KDM1B: variants seen among roughly 807,000 people sequenced by gnomAD.
KDM1B encodes the protein lysine-specific histone demethylase 2.
A neutral mutation model predicts 107.4 loss-of-function variants in KDM1B; 63 were observed. The observed-to-expected ratio is 0.59, with a 90% CI of 0.48 to 0.72. The LOEUF (loss-of-function observed/expected upper bound fraction) is 0.72, where lower values mean the gene tolerates loss of function less well. Ranked by LOEUF, KDM1B falls within the 30% of genes least tolerant of loss-of-function variation. KDM1B has a pLI of 0.00. For missense variants in KDM1B, 749 were observed against 1,020.8 expected (o/e 0.73, Z 3.63); for synonymous variants, 363 against 363.9 (o/e 1.00, Z 0.03).
Position 18,171,244 on chromosome 6 carries a change from AGG to A in KDM1B, c.418-118_418-117del. 4 of 712,058 alleles carry A rather than the reference AGG, an allele frequency of 5.6e-6. No homozygotes were observed. In the South Asian group the frequency reaches 6.2e-5, roughly 11 times the overall value. The allele number at this position is 712,058 out of a possible 1,614,324, so 44.1% of individuals were successfully genotyped here. A position where few individuals can be genotyped will look rare whatever the true frequency, so the allele number is the denominator to read the frequency against. ...TTATATGGATGATGGTAATGCAAGG[AGG>A]AGAAAAAATACTTAGGATTGCTAAC... On this transcript the variant is annotated intron_variant, in intron 6 of 21. Transcript: ENST00000650836.
intron 7 of KDM1B, among the ~76,000 whole-genome samples, chr6:18,180,985 AT>A (rs2150880169): frequency 6.6e-6 from 1 of 152,280 alleles, no homozygotes; most frequent in Non-Finnish European, 1.5e-5. Flanking sequence ...GACTTTACTA[AT>A]TGTTTAAATT....
At chr6:18,168,178 G>A (rs1187972101) in intron 6 of KDM1B, among the ~76,000 whole-genome samples, 2 of 152,192 alleles carry the variant, frequency 1.3e-5, no homozygotes, top group Non-Finnish European at 2.9e-5. Flanking sequence ...GTGCAGTTCA[G>A]TGGCACTTAG....
Position 18,222,018 on chromosome 6 carries a change from T to C in KDM1B, c.*26T>C. On this transcript the variant is annotated 3_prime_UTR_variant, in exon 22 of 22. Transcript: ENST00000650836. ...GAATTCGGTGGACCCAGCTTTCTTC[T>C]GTACCCCAGATGGGGAAATTTGAAT... The C allele has an allele frequency of 6.2e-7, 1 of 1,603,368 alleles. No individual in the cohort carries two copies. Among genetic ancestry groups the C allele is most frequent in the Non-Finnish European group, 8.5e-7 (1 of 1,170,214 alleles).
Position 18,196,981 on chromosome 6 carries a change from G to A in KDM1B, c.970-76G>A, listed in dbSNP as rs530819403. ...CAGATCTTTTACTTGTCTTTTAAAT[G>A]GATTGTTTTCCTGCTATTGTTTGAA... On this transcript the variant is annotated intron_variant, in intron 10 of 21. Transcript: ENST00000650836. 9.1e-6 allele frequency: 12 copies of A among 1,314,676 alleles called. No homozygotes were observed. In the South Asian group the frequency reaches 1.5e-4, roughly 16 times the overall value. The allele number at this position is 1,314,676 out of a possible 1,614,324, so 81.4% of individuals were successfully genotyped here.
intron 21 of KDM1B, among the ~76,000 whole-genome samples, chr6:18,218,655 A>G (rs1789429949): frequency 6.6e-6 from 1 of 152,042 alleles, no homozygotes; most frequent in Non-Finnish European, 1.5e-5. Flanking sequence ...GGCAATTATA[A>G]TGGCTCCTTT....
At chr6:18,171,271 C>T in intron 6 of KDM1B, 92 bp from the exon 7 acceptor site, 1 of 766,920 alleles carries the variant, frequency 1.3e-6, no homozygotes, top group East Asian at 2.5e-5. Flanking sequence ...GGATTGCTAA[C>T]AGGTTGGAGA....
At chr6:18,189,718 TTC>T (rs1273815037) in intron 9 of KDM1B, among the ~76,000 whole-genome samples, 1 of 152,222 alleles carries the variant, frequency 6.6e-6, no homozygotes, top group Non-Finnish European at 1.5e-5. Flanking sequence ...TATGTGAATA[TTC>T]TCTGTTAATA....
chr6:18,164,479 C>G (rs1785165337), intron 5 of KDM1B, among the ~76,000 whole-genome samples: 1 of 152,092 alleles, frequency 6.6e-6, no homozygotes, highest in Admixed American at 6.6e-5. Flanking sequence ...CATTGTACAT[C>G]TAACATTGTT....
chr6:18,207,033 G>A (rs565897455), intron 15 of KDM1B, among the ~76,000 whole-genome samples: 1 of 152,078 alleles, frequency 6.6e-6, no homozygotes, highest in East Asian at 1.9e-4. Flanking sequence ...ATCGTGCAGG[G>A]TTTCTATTCT....
In KDM1B at chr6:18,213,888, C is replaced by G; in HGVS notation, c.2109+107C>G. The G allele has an allele frequency of 2.4e-6, 3 of 1,238,716 alleles. No homozygotes were observed. The highest frequency in any genetic ancestry group is 3.5e-6 in the Non-Finnish European group (3 of 860,446). 76.7% of individuals were successfully genotyped at this position (1,238,716 alleles called of 1,614,324 possible). A position where few individuals can be genotyped will look rare whatever the true frequency, so the allele number is the denominator to read the frequency against. On this transcript the variant is annotated intron_variant, in intron 19 of 21. Coordinates refer to ENST00000650836, the MANE Select transcript of KDM1B (RefSeq NM_001364614.2). The surrounding 1 kb of genome is among the most constrained non-coding windows in gnomAD (Gnocchi z 5.9). ...CAGGAACTAACGAACATCATGGAGA[C>G]CCTGGGTCTATGTTTATATTCTGGG...
intron 21 of KDM1B, among the ~76,000 whole-genome samples, chr6:18,219,646 C>G (rs918298767): frequency 6.6e-6 from 1 of 152,174 alleles, no homozygotes; most frequent in African/African-American, 2.4e-5. Flanking sequence ...TCTCAGAGTT[C>G]TTATTTTGTG....
intron 7 of KDM1B, among the ~76,000 whole-genome samples, chr6:18,183,531 A>G (rs1786630979): frequency 6.6e-6 from 1 of 151,920 alleles, no homozygotes; most frequent in Non-Finnish European, 1.5e-5. Flanking sequence ...AAATGCAGGG[A>G]TTACAGATGT....
At chr6:18,157,231 A>G (rs1784675805) in intron 2 of KDM1B, among the ~76,000 whole-genome samples, 1 of 152,214 alleles carries the variant, frequency 6.6e-6, no homozygotes. Flanking sequence ...AAGTGGAGAT[A>G]TATAAATTAC....
intron 12 of KDM1B, among the ~76,000 whole-genome samples, chr6:18,199,302 G>GT (rs781434714): frequency 5.3e-5 from 8 of 152,164 alleles, no homozygotes; most frequent in Admixed American, 3.3e-4. Context: ...TGAGAAAGCA[G>GT]TTTGGAGAAT....
At position 18,161,580 on chromosome 6, in the gene KDM1B, T is replaced by A; in HGVS notation, c.215+126T>A. 3 of 1,011,146 alleles carry A rather than the reference T, an allele frequency of 3.0e-6. No individual in the cohort carries two copies. The South Asian group carries it at 4.9e-5, about 16-fold the overall frequency. 62.6% of individuals were successfully genotyped at this position (1,011,146 alleles called of 1,614,324 possible). On this transcript the variant is annotated intron_variant, in intron 4 of 21. Coordinates refer to ENST00000650836, the MANE Select transcript of KDM1B (RefSeq NM_001364614.2). Reference sequence around the variant, plus strand: ...TACTATAAGTCATCTAATCTAATAATAGAGACATTGCCCAGACATTCTGTA... The same window carrying A: ...TACTATAAGTCATCTAATCTAATAAAAGAGACATTGCCCAGACATTCTGTA...
intron 10 of KDM1B, among the ~76,000 whole-genome samples, chr6:18,196,829 A>G (rs1439553895): frequency 1.3e-5 from 2 of 152,222 alleles, no homozygotes; most frequent in African/African-American, 2.4e-5. Flanking sequence ...GTCATTTTAC[A>G]TAAGGGACTT....
At chr6:18,210,814 C>T (rs1200147247) in intron 17 of KDM1B, among the ~76,000 whole-genome samples, 1 of 152,088 alleles carries the variant, frequency 6.6e-6, no homozygotes, top group Non-Finnish European at 1.5e-5. Context: ...GCCTGGGCAA[C>T]ATGGTGAGAC....
intron 20 of KDM1B, among the ~76,000 whole-genome samples, chr6:18,216,607 G>C (rs1215730254): frequency 2.0e-5 from 3 of 152,236 alleles, no homozygotes; most frequent in East Asian, 3.9e-4. Flanking sequence ...GGTCAACCAA[G>C]GTCTGAAAAT....
intron 21 of KDM1B, among the ~76,000 whole-genome samples, chr6:18,220,436 C>T (rs1314832357): frequency 6.6e-5 from 10 of 152,098 alleles, no homozygotes; most frequent in Admixed American, 3.3e-4. Flanking sequence ...GTAATCCCAG[C>T]GACTCAGGAG....
Sources: allele counts gnomAD v4.1 joint callset (sites outside exome capture counted in the v4.1 genomes callset), GRCh38; gene constraint gnomAD v4.1.1; non-coding constraint Gnocchi (gnomAD v3.1); transcripts MANE v1.5; gene names NCBI Gene and HGNC (gene_info 2026-07-23, HGNC 2026-07-21).